Variants in ZNF331 observed in about 807,000 individuals in gnomAD.
ZNF331 encodes the protein zinc finger protein 331, also known as C2H2-like zinc finger protein rearranged in thyroid adenomas.
Under a neutral mutation model 7.0 loss-of-function variants are expected in ZNF331, and 2 were observed. That is an observed-to-expected ratio of 0.29 (90% CI 0.12 to 0.90). The LOEUF is 0.90. ZNF331 is among the 40% of genes least tolerant of loss of function. ZNF331 has a pLI of 0.58. For missense variants in ZNF331, 432 were observed against 587.7 expected (o/e 0.74, Z 2.74); for synonymous variants, 196 against 205.4 (o/e 0.95, Z 0.39).
rs1313884668 is a variant in ZNF331 at position 53,579,593 on chromosome 19, T to TG, written c.*1642dup. On this transcript the variant is annotated 3_prime_UTR_variant, in exon 6 of 6. Transcript: ENST00000449416. ...TTATGATCATTACTACCATTTGTGT[T>TG]GCCATTAGTGAATTTTTACAAGAAA... is the stretch of plus-strand genomic sequence containing the variant. The TG allele has an allele frequency of 5.0e-6, 1 of 200,186 alleles. No individual in the cohort carries two copies. The highest frequency in any genetic ancestry group is 7.7e-5 in the East Asian group (1 of 12,950). The allele number at this position is 200,186 out of a possible 1,614,324, so 12.4% of individuals were successfully genotyped here. A position where few individuals can be genotyped will look rare whatever the true frequency, so the allele number is the denominator to read the frequency against.
chr19:53,508,998 A>G, the ZNF331 span, among the ~76,000 whole-genome samples: 1 of 152,178 alleles, frequency 6.6e-6, no homozygotes, highest in African/African-American at 2.4e-5. Flanking sequence ...AGGGACATTC[A>G]TCACCTTTTT....
At chr19:53,514,374 T>C in the ZNF331 span, among the ~76,000 whole-genome samples, 1 of 151,614 alleles carries the variant, frequency 6.6e-6, no homozygotes, top group African/African-American at 2.4e-5. Context: ...AATTTTTTTG[T>C]ATTTTTAGTA....
At chr19:53,518,343 C>T (rs12984452), upstream of ZNF331, among the ~76,000 whole-genome samples, 49,484 of 152,056 alleles carry the variant, frequency 0.33, 8,232 homozygotes, top group Middle Eastern at 0.41. Flanking sequence ...GCACAGTTGG[C>T]TTCCTTGCTT....
At chr19:53,526,219 G>A (rs1468818087) in intron 2 of ZNF331, among the ~76,000 whole-genome samples, 1 of 152,156 alleles carries the variant, frequency 6.6e-6, no homozygotes, top group Non-Finnish European at 1.5e-5. Context: ...TTTATCAAAG[G>A]TACTGGCCGG....
At position 53,571,633 on chromosome 19, in the gene ZNF331, A is replaced by G; in HGVS notation, c.39A>G (p.Ile13Met). The change falls in exon 5 of 6, where the codon ATA (isoleucine) becomes ATG (methionine). Residue 13 changes from isoleucine (I) to methionine (M), a missense_variant. Around this residue, in one of 3 missense-constraint regions of ZNF331, gnomAD observed 39 missense variants for 68.8 expected, o/e 0.57. Coordinates refer to ENST00000449416, the MANE Select transcript of ZNF331 (RefSeq NM_001079906.2). The surrounding 1 kb of genome is among the most constrained non-coding windows in gnomAD (Gnocchi z 4.7). ...TGGTGACGTTCGCCGACGTAGCCATAGACTTTTCTCAGGAGGAGTGGGCCT... is the reference window on the plus strand; with the variant it reads ...TGGTGACGTTCGCCGACGTAGCCATGGACTTTTCTCAGGAGGAGTGGGCCT... ...QGLVTFADVA[I>M]DFSQEEWACL... 1 of 1,614,094 alleles carries G rather than the reference A, an allele frequency of 6.2e-7. No individual in the cohort carries two copies. Among genetic ancestry groups the G allele is most frequent in the Middle Eastern group, 1.6e-4 (1 of 6,062 alleles).
intron 4 of ZNF331, among the ~76,000 whole-genome samples, chr19:53,569,682 A>C (rs2090341416): frequency 6.6e-6 from 1 of 152,106 alleles, no homozygotes. Flanking sequence ...TGGTTTGATG[A>C]GTTAGATATG....
rs778496134 is a variant in ZNF331, at chr19:53,571,373, G to A, written c.10-231G>A. 2.0e-5 allele frequency among the ~76,000 whole-genome samples: 3 copies of A among 152,196 alleles called. No homozygotes were observed. The highest frequency in any genetic ancestry group is 6.5e-5 in the Admixed American group (1 of 15,270). Reference sequence around the variant, plus strand: ...CACTTCCTGGCAGGTTTGACTAACTGAGGATTCTGCACAGTAAAGTCATTT... The same window carrying A: ...CACTTCCTGGCAGGTTTGACTAACTAAGGATTCTGCACAGTAAAGTCATTT... On this transcript the variant is annotated intron_variant, in intron 4 of 5. Transcript: ENST00000449416. This position sits in a 1 kb window ranked among gnomAD's most constrained non-coding sequence, Gnocchi z 4.7.
At chr19:53,503,299 T>C in the ZNF331 span, 12 of 363,022 alleles carry the variant, frequency 3.3e-5, no homozygotes, top group Admixed American at 3.5e-4. Flanking sequence ...CCCCACCAAG[T>C]ACCAGCTGCC....
chr19:53,572,640 A>G (rs1445032196), intron 5 of ZNF331, among the ~76,000 whole-genome samples: 1 of 148,014 alleles, frequency 6.8e-6, no homozygotes, highest in Non-Finnish European at 1.5e-5. Flanking sequence ...CATATACAAT[A>G]TATACATATA....
chr19:53,524,316 C>A (rs1463973059), intron 2 of ZNF331, among the ~76,000 whole-genome samples: 1 of 152,164 alleles, frequency 6.6e-6, no homozygotes, highest in East Asian at 1.9e-4. Context: ...ATTTCTAGTT[C>A]TAGATTCTTG....
At chr19:53,572,530 T>C (rs60670983) in intron 5 of ZNF331, among the ~76,000 whole-genome samples, 52,292 of 144,628 alleles carry the variant, frequency 0.36, 10,113 homozygotes, top group African/African-American at 0.48. Flanking sequence ...ATATTTTATA[T>C]ATATACACAC....
chr19:53,571,777 G>A lies in ZNF331; in HGVS notation c.136+47G>A, dbSNP rs189144118. On this transcript the variant is annotated intron_variant, in intron 5 of 5. Transcript: ENST00000449416. The surrounding 1 kb of genome is among the most constrained non-coding windows in gnomAD (Gnocchi z 4.7). Reference sequence around the variant, plus strand: ...ACTTAGACTGCCTCCTGGAATATCCGCTCTCCCCTGTGAATTTCAGGACCG... The same window carrying A: ...ACTTAGACTGCCTCCTGGAATATCCACTCTCCCCTGTGAATTTCAGGACCG... 1.1e-5 allele frequency: 17 copies of A among 1,550,796 alleles called. No individual in the cohort carries two copies. Among genetic ancestry groups the A allele is most frequent in the African/African-American group, 4.1e-5 (3 of 72,584 alleles).
chr19:53,573,827 T>G lies in ZNF331; in HGVS notation c.136+2097T>G, dbSNP rs1185868282. The stretch of plus-strand genomic sequence containing the variant: ...TGATTAATACTCAATCAAAAAAAAT[T>G]TAAGGCCAGGCATGGTGGTTCACGC... On this transcript the variant is annotated intron_variant, in intron 5 of 5. Coordinates refer to ENST00000449416, the MANE Select transcript of ZNF331 (RefSeq NM_001079906.2). The surrounding 1 kb of genome is among the most constrained non-coding windows in gnomAD (Gnocchi z 4.2). Among the ~76,000 whole-genome samples the G allele has an allele frequency of 6.6e-6, 1 of 152,068 alleles. No homozygotes were observed. The highest frequency in any genetic ancestry group is 1.9e-4 in the East Asian group (1 of 5,172).
chr19:53,546,053 A>T (rs547858458), intron 2 of ZNF331, among the ~76,000 whole-genome samples: 1 of 151,210 alleles, frequency 6.6e-6, no homozygotes, highest in Non-Finnish European at 1.5e-5. Flanking sequence ...GGTATTTGCT[A>T]ATGCAGCCTG....
intron 5 of ZNF331, 62 bp from the exon 6 acceptor site, chr19:53,576,635 T>C: frequency 6.9e-7 from 1 of 1,451,754 alleles, no homozygotes; most frequent in Non-Finnish European, 9.3e-7. Flanking sequence ...TTTTGGTTTG[T>C]GGTTAGGTTC....
intron 2 of ZNF331, among the ~76,000 whole-genome samples, chr19:53,544,203 G>A (rs2088397789): frequency 6.9e-6 from 1 of 144,132 alleles, no homozygotes; most frequent in Non-Finnish European, 1.5e-5. Flanking sequence ...CTCCAGCTTG[G>A]CCAGAGCAAG....
chr19:53,529,524 AG>A (rs2087448936), intron 2 of ZNF331, among the ~76,000 whole-genome samples: 1 of 152,226 alleles, frequency 6.6e-6, no homozygotes, highest in African/African-American at 2.4e-5. Context: ...ATCAGGTAAA[AG>A]GTAAACAGGA....
chr19:53,521,555 G>C (rs1194112450), exon 1 of ZNF331: 7 of 152,344 alleles, frequency 4.6e-5, no homozygotes, highest in Admixed American at 4.6e-4. Context: ...ATAGCGCCGG[G>C]CTGTAAGGGC....
chr19:53,538,911 C>T (rs2087930346), intron 1 of ZNF331: 1 of 152,412 alleles, frequency 6.6e-6, no homozygotes, highest in South Asian at 2.1e-4. Flanking sequence ...GCCTGAGCCT[C>T]GCCTGGAAAT....
Sources: allele counts gnomAD v4.1 joint callset (sites outside exome capture counted in the v4.1 genomes callset), GRCh38; gene constraint gnomAD v4.1.1; regional missense constraint gnomAD v4.1.1; non-coding constraint Gnocchi (gnomAD v3.1); transcripts MANE v1.5; gene names NCBI Gene and HGNC (gene_info 2026-07-23, HGNC 2026-07-21).